The following WDR41 variants were observed in gnomAD, a reference collection of about 807,000 sequenced individuals.
The protein encoded by WDR41 is WD repeat-containing protein 41.
Under a neutral mutation model 69.3 loss-of-function variants are expected in WDR41, and 63 were observed. The ratio of observed to expected loss-of-function variants is 0.91; its 90% CI spans 0.74 to 1.12. The LOEUF (loss-of-function observed/expected upper bound fraction) is 1.12, where lower values mean the gene tolerates loss of function less well. Among genes scored for constraint, WDR41 ranks in the 50% most tolerant of loss-of-function variants. The pLI, the probability that WDR41 is intolerant of heterozygous loss-of-function variation, is 0.00. For missense variants in WDR41, 543 were observed against 534.5 expected (o/e 1.02, Z -0.16); for synonymous variants, 185 against 192.1 (o/e 0.96, Z 0.31).
intron 1 of WDR41, among the ~76,000 whole-genome samples, chr5:77,529,922 T>C (rs1234706861): frequency 6.6e-6 from 1 of 151,736 alleles, no homozygotes; most frequent in Non-Finnish European, 1.5e-5. Flanking sequence ...AATATTTTAG[T>C]TGGCAGCATG....
chr5:77,588,316 T>C (rs1042422512), intron 1 of WDR41, among the ~76,000 whole-genome samples: 1 of 152,194 alleles, frequency 6.6e-6, no homozygotes, highest in Admixed American at 6.5e-5. Context: ...TCTTTTATAG[T>C]TAGTACTTTG....
chr5:77,442,995 A>T (rs1357802964), intron 8 of WDR41, among the ~76,000 whole-genome samples: 3 of 151,330 alleles, frequency 2.0e-5, no homozygotes, highest in African/African-American at 7.3e-5. Context: ...TCTTATTTCA[A>T]ATAAATGTAA....
chr5:77,457,121 T>TG (rs1799865898), intron 5 of WDR41, among the ~76,000 whole-genome samples: 1 of 152,190 alleles, frequency 6.6e-6, no homozygotes, highest in Admixed American at 6.5e-5. Flanking sequence ...GAAAGGGTGT[T>TG]GGAGTTTGTC....
chr5:77,612,097 A>C (rs1240952030), intron 1 of WDR41, among the ~76,000 whole-genome samples: 1 of 152,186 alleles, frequency 6.6e-6, no homozygotes, highest in Non-Finnish European at 1.5e-5. Flanking sequence ...ACCAGGAAGA[A>C]GTTGAATCTC....
rs1459786874 is a variant in WDR41, at chr5:77,583,138, T to A, written c.42+37341A>T. ...AATGAACTAAGGTGTCTACCATGAT[T>A]ATTTTTCTAAGCTGGTTGGTTAATA... is the stretch of plus-strand genomic sequence containing the variant. On this transcript the variant is annotated intron_variant, in intron 1 of 5. Transcript: ENST00000509971. 4.5e-6 allele frequency: 6 copies of A among 1,334,928 alleles called. No individual in the cohort carries two copies. In the African/African-American group the frequency reaches 7.2e-5, roughly 16 times the overall value. 82.7% of individuals were successfully genotyped at this position (1,334,928 alleles called of 1,614,324 possible).
intron 1 of WDR41, among the ~76,000 whole-genome samples, chr5:77,531,393 G>A (rs1489018644): frequency 1.3e-5 from 2 of 151,854 alleles, no homozygotes; most frequent in Non-Finnish European, 2.9e-5. Flanking sequence ...TGGCCAACAA[G>A]CACATGAAAA....
chr5:77,548,700 C>T (rs1743243650), intron 1 of WDR41, among the ~76,000 whole-genome samples: 1 of 152,182 alleles, frequency 6.6e-6, no homozygotes, highest in African/African-American at 2.4e-5. Flanking sequence ...CTAGTACAAC[C>T]ACTATAGAAA....
In WDR41 at chr5:77,449,794, G is replaced by A; in HGVS notation, c.663C>T (p.His221=). 6.2e-7 allele frequency: 1 copy of A among 1,613,122 alleles called. No homozygotes were observed. The highest frequency in any genetic ancestry group is 1.3e-5 in the African/African-American group (1 of 75,016). The change falls in exon 8 of 13, where the codon CAC becomes CAT. Residue 221 remains histidine, a synonymous_variant. Transcript: ENST00000296679. ...TAATCAATGAGAGAATATTATCCTGGTGATCAAGGAGGCGCTTAACTTCAA... is the reference window on the plus strand; with the variant it reads ...TAATCAATGAGAGAATATTATCCTGATGATCAAGGAGGCGCTTAACTTCAA... ...DILEVKRLLD[H]QDNILSLINV...
chr5:77,451,624 A>C (rs748568363), intron 6 of WDR41: 2 of 316,180 alleles, frequency 6.3e-6, no homozygotes, highest in Non-Finnish European at 1.2e-5. Context: ...ATAAAGTGGT[A>C]GATTCAGCAA....
chr5:77,461,157 T>C (rs919493187), intron 4 of WDR41, among the ~76,000 whole-genome samples: 3 of 151,482 alleles, frequency 2.0e-5, no homozygotes, highest in Non-Finnish European at 4.4e-5. Flanking sequence ...TTGCAAAGAT[T>C]ACACTGATAC....
chr5:77,602,930 AT>A lies in WDR41; in HGVS notation c.42+17548del, dbSNP rs904691189. On this transcript the variant is annotated intron_variant, in intron 1 of 5. Coordinates refer to the WDR41 transcript ENST00000509971. ...CTTTGCATCCTCACCAGCATCTGTT[AT>A]TTTTTTGTCTTTTTTTTTTTTTTTT... is the stretch of plus-strand genomic sequence containing the variant. 1.9e-3 allele frequency among the ~76,000 whole-genome samples: 263 copies of A among 139,812 alleles called. 1 individual carries two copies. The highest frequency in any genetic ancestry group is 6.7e-3 in the African/African-American group (250 of 37,538). The allele number at this position is 139,812 out of a possible 152,430, so 91.7% of individuals were successfully genotyped here. A position where few individuals can be genotyped will look rare whatever the true frequency, so the allele number is the denominator to read the frequency against.
chr5:77,567,745 C>T (rs1743660300), intron 1 of WDR41, among the ~76,000 whole-genome samples: 1 of 151,234 alleles, frequency 6.6e-6, no homozygotes, highest in Admixed American at 6.6e-5. Flanking sequence ...AATGAACATT[C>T]CCCAAATCTT....
At chr5:77,582,760 T>G in intron 1 of WDR41, 7 of 1,596,656 alleles carry the variant, frequency 4.4e-6, no homozygotes, top group Non-Finnish European at 6.0e-6. Context: ...CAACAAGGCT[T>G]CGATTAACAT....
chr5:77,431,575 TAC>T lies in WDR41; in HGVS notation c.*1558_*1559del, dbSNP rs1039989379. The T allele has an allele frequency of 1.3e-5, 2 of 152,212 alleles. No individual in the cohort carries two copies. Among genetic ancestry groups the T allele is most frequent in the Non-Finnish European group, 2.9e-5 (2 of 68,048 alleles). The allele number at this position is 152,212 out of a possible 1,614,324, so 9.4% of individuals were successfully genotyped here. A position where few individuals can be genotyped will look rare whatever the true frequency, so the allele number is the denominator to read the frequency against. On this transcript the variant is annotated 3_prime_UTR_variant, in exon 13 of 13. Coordinates refer to ENST00000296679, the MANE Select transcript of WDR41 (RefSeq NM_018268.4). ...AATGACCAGAAGGAATTTGCTGTGGTACTTACGGTACCATTTGCTTCCAAAAT... is the reference window on the plus strand; with the variant it reads ...AATGACCAGAAGGAATTTGCTGTGGTTTACGGTACCATTTGCTTCCAAAAT...
chr5:77,472,961 A>T (rs1333698889), intron 2 of WDR41, among the ~76,000 whole-genome samples: 1 of 152,220 alleles, frequency 6.6e-6, no homozygotes, highest in Non-Finnish European at 1.5e-5. Context: ...CCGCATTGCC[A>T]AGTCAGTCCT....
At chr5:77,609,933 T>G (rs1186428744) in intron 1 of WDR41, among the ~76,000 whole-genome samples, 16 of 148,392 alleles carry the variant, frequency 1.1e-4, no homozygotes, top group East Asian at 8.2e-4. Flanking sequence ...AATGTATAAC[T>G]AGAATAACCA....
chr5:77,504,839 A>G (rs529755945), intron 1 of WDR41, among the ~76,000 whole-genome samples: 71 of 152,342 alleles, frequency 4.7e-4, no homozygotes, highest in Non-Finnish European at 7.9e-4. Context: ...TCACGCTAAA[A>G]ACTCTCAATA....
At chr5:77,577,923 C>T (rs956032195) in intron 1 of WDR41, among the ~76,000 whole-genome samples, 4 of 152,186 alleles carry the variant, frequency 2.6e-5, no homozygotes, top group Non-Finnish European at 5.9e-5. Flanking sequence ...TTACCTTAGC[C>T]TATAGCTAGG....
chr5:77,481,383 C>T (rs1801251516), intron 2 of WDR41, among the ~76,000 whole-genome samples: 1 of 152,116 alleles, frequency 6.6e-6, no homozygotes, highest in South Asian at 2.1e-4. Context: ...TGAGGTAAGC[C>T]TGTATCTGAA....
Sources: gnomAD v4.1 joint callset for allele counts (sites outside exome capture counted in the v4.1 genomes callset) on GRCh38, gnomAD v4.1.1 for gene constraint, MANE v1.5 for transcripts, NCBI Gene and HGNC (gene_info 2026-07-23, HGNC 2026-07-21) for gene names.